ASIC5: variants seen among roughly 807,000 people sequenced by gnomAD.
The protein encoded by ASIC5 is bile acid-sensitive ion channel.
ASIC5 carries 52 observed loss-of-function variants against 51.2 expected under a neutral mutation model. The ratio of observed to expected loss-of-function variants is 1.02; its 90% CI spans 0.81 to 1.28. The LOEUF is 1.28. Ranked by LOEUF, ASIC5 falls within the 50% of genes most tolerant of loss-of-function variation. ASIC5 has a pLI of 0.00. For synonymous variants in ASIC5, 231 were observed against 200.7 expected, an observed-to-expected ratio of 1.15 and a Z score of -1.28; for missense variants, 635 against 595.0, an observed-to-expected ratio of 1.07 and a Z score of -0.70.
chr4:155,852,083 A>G, intron 4 of ASIC5, 108 bp downstream of exon 4: 1 of 1,264,244 alleles, frequency 7.9e-7, no homozygotes. Context: ...CAAAAACTGA[A>G]ATAATATCCA....
chr4:155,841,118 G>T (rs549693262), intron 6 of ASIC5, among the ~76,000 whole-genome samples: 1 of 152,106 alleles, frequency 6.6e-6, no homozygotes, highest in East Asian at 1.9e-4. Flanking sequence ...CCAATCTCCC[G>T]CACAGCCAGC....
chr4:155,838,026 G>A (rs902695674), intron 7 of ASIC5, among the ~76,000 whole-genome samples: 3 of 152,044 alleles, frequency 2.0e-5, no homozygotes, highest in Non-Finnish European at 2.9e-5. Context: ...TATTCAGCCT[G>A]TGATCTACAT....
chr4:155,864,537 G>A (rs752669708), intron 1 of ASIC5: 11 of 152,208 alleles, frequency 7.2e-5, no homozygotes, highest in Admixed American at 1.3e-4. Flanking sequence ...CCTTTGTGGA[G>A]GGAAAGGTTC....
intron 6 of ASIC5, among the ~76,000 whole-genome samples, chr4:155,840,779 G>A (rs1391840291): frequency 1.3e-5 from 2 of 152,010 alleles, no homozygotes; most frequent in Non-Finnish European, 2.9e-5. Context: ...GCTGGAGGGT[G>A]CAAGATTCTA....
At chr4:155,862,562 C>A (rs1741738515) in intron 2 of ASIC5, among the ~76,000 whole-genome samples, 1 of 152,074 alleles carries the variant, frequency 6.6e-6, no homozygotes. Flanking sequence ...AAAGCATTGT[C>A]TGGAAGCCTA....
chr4:155,836,959 AG>A (rs944247162), intron 7 of ASIC5, 102 bp from the exon 8 acceptor site: 2 of 882,412 alleles, frequency 2.3e-6, no homozygotes, highest in Non-Finnish European at 3.4e-6. Context: ...TATTAAAAAA[AG>A]GTGGTTACCA....
intron 3 of ASIC5, among the ~76,000 whole-genome samples, chr4:155,853,019 C>T (rs945585293): frequency 6.6e-6 from 1 of 151,868 alleles, no homozygotes; most frequent in African/African-American, 2.4e-5. Context: ...TCTTGGAGTC[C>T]GTTGGTTCAG....
chr4:155,863,804 AC>A (rs1315390065), intron 1 of ASIC5, 50 bp from the exon 2 acceptor site: 1 of 1,440,514 alleles, frequency 6.9e-7, no homozygotes, highest in African/African-American at 1.4e-5. Context: ...TAATTAGGAA[AC>A]CTTAATGCTA....
chr4:155,856,838 A>T (rs1741554603), intron 2 of ASIC5, among the ~76,000 whole-genome samples: 2 of 152,090 alleles, frequency 1.3e-5, no homozygotes, highest in Non-Finnish European at 2.9e-5. Context: ...TTCCCTGAAT[A>T]TATTCATTGG....
intron 3 of ASIC5, among the ~76,000 whole-genome samples, chr4:155,853,403 C>T (rs1010817830): frequency 2.0e-5 from 3 of 151,708 alleles, no homozygotes; most frequent in South Asian, 2.1e-4. Flanking sequence ...ACGGGAAATA[C>T]GGCATCAAAT....
chr4:155,861,990 CT>C (rs34022560), intron 2 of ASIC5, among the ~76,000 whole-genome samples: 1 of 151,898 alleles, frequency 6.6e-6, no homozygotes, highest in Admixed American at 6.6e-5. Context: ...TTAAATGTTT[CT>C]TTTTTAAAAG....
At chr4:155,832,498 G>T (rs1740891249) in intron 8 of ASIC5, among the ~76,000 whole-genome samples, 2 of 152,154 alleles carry the variant, frequency 1.3e-5, no homozygotes, top group South Asian at 4.1e-4. Flanking sequence ...CATGACCAGA[G>T]TGGCTAAACA....
chr4:155,842,942 A>G (rs116343373), intron 5 of ASIC5, among the ~76,000 whole-genome samples: 2,544 of 152,246 alleles, frequency 0.017, 57 homozygotes, highest in African/African-American at 0.057. Flanking sequence ...ATCTCAGGCC[A>G]CCACACAGGA....
intron 2 of ASIC5, chr4:155,858,865 C>T (rs1167336458): frequency 6.6e-6 from 1 of 151,970 alleles, no homozygotes; most frequent in South Asian, 2.1e-4. Flanking sequence ...TAAACATAGA[C>T]CAGAGGAAGA....
chr4:155,859,114 G>A (rs1741625533), intron 2 of ASIC5, among the ~76,000 whole-genome samples: 2 of 151,966 alleles, frequency 1.3e-5, no homozygotes, highest in African/African-American at 4.8e-5. Flanking sequence ...AACAAAATGG[G>A]AAGCAGTTGT....
rs143221161 is a variant in ASIC5 at position 155,863,405 on chromosome 4, C to A, written c.347+43G>T. On this transcript the variant is annotated intron_variant, in intron 2 of 9. Coordinates refer to ENST00000537611, the MANE Select transcript of ASIC5 (RefSeq NM_017419.3). Reference sequence around the variant, plus strand: ...AGTCATCCAAGAAAGATTATACTAGCAAATTTATAGGAACTAATTATTTTT... The same window carrying A: ...AGTCATCCAAGAAAGATTATACTAGAAAATTTATAGGAACTAATTATTTTT... The A allele has an allele frequency of 3.4e-3, 4,934 of 1,456,100 alleles. 17 individuals carry two copies. The highest frequency in any genetic ancestry group is 4.0e-3 in the Non-Finnish European group (4,250 of 1,071,346). 90.2% of individuals were successfully genotyped at this position (1,456,100 alleles called of 1,614,324 possible). A position where few individuals can be genotyped will look rare whatever the true frequency, so the allele number is the denominator to read the frequency against.
At chr4:155,864,328 G>A (rs1189717876) in intron 1 of ASIC5, among the ~76,000 whole-genome samples, 4 of 152,102 alleles carry the variant, frequency 2.6e-5, no homozygotes, top group East Asian at 1.9e-4. Context: ...TATTAGTTAA[G>A]TAATCTATTT....
chr4:155,833,728 C>T (rs1223110564), intron 8 of ASIC5, among the ~76,000 whole-genome samples: 2 of 152,124 alleles, frequency 1.3e-5, no homozygotes, highest in Non-Finnish European at 2.9e-5. Context: ...AAGCATTATC[C>T]ACCTGTGATT....
intron 8 of ASIC5, among the ~76,000 whole-genome samples, chr4:155,832,739 G>A (rs1252393281): frequency 6.6e-6 from 1 of 152,018 alleles, no homozygotes; most frequent in South Asian, 2.1e-4. Context: ...CATCAGGAAA[G>A]CCCATTTTTT....
Sources: allele counts gnomAD v4.1 joint callset (sites outside exome capture counted in the v4.1 genomes callset), GRCh38; gene constraint gnomAD v4.1.1; transcripts MANE v1.5; gene names NCBI Gene and HGNC (gene_info 2026-07-23, HGNC 2026-07-21).